NALCN: variants seen among roughly 807,000 people sequenced by gnomAD.
NALCN encodes sodium leak channel NALCN.
Under a neutral mutation model 225.3 loss-of-function variants are expected in NALCN, and 111 were observed. The observed-to-expected ratio is 0.49, with a 90% confidence interval of 0.42 to 0.58. The LOEUF (loss-of-function observed/expected upper bound fraction) is 0.58. NALCN is among the 20% of genes least tolerant of loss of function. NALCN has a pLI of 0.00. For missense variants in NALCN, 1,378 were observed against 2,202.4 expected (o/e 0.63, Z 7.49); for synonymous variants, 764 against 769.0 (o/e 0.99, Z 0.11).
chr13:101,235,347 C>A (rs1284037989), intron 12 of NALCN, among the ~76,000 whole-genome samples: 1 of 152,036 alleles, frequency 6.6e-6, no homozygotes, highest in Non-Finnish European at 1.5e-5. Context: ...AATTTTAAGG[C>A]CCTGAATATA....
rs1261744811 is a variant in NALCN at position 101,104,866 on chromosome 13, C to A, written c.2636+28G>T. On this transcript the variant is annotated intron_variant, in intron 23 of 43. Coordinates refer to ENST00000251127, the MANE Select transcript of NALCN (RefSeq NM_052867.4). This position sits in a 1 kb window ranked among gnomAD's most constrained non-coding sequence, Gnocchi z 4.2. ...ATAGTACATGAAAACTTTAAATGTG[C>A]ATGGAAAATGAAGTTGGTGATGCTT... 6.2e-7 allele frequency: 1 copy of A among 1,611,300 alleles called. No homozygotes were observed. The highest frequency in any genetic ancestry group is 1.3e-5 in the African/African-American group (1 of 74,934).
intron 18 of NALCN, among the ~76,000 whole-genome samples, chr13:101,119,841 A>C (rs1322870081): frequency 6.6e-6 from 1 of 152,262 alleles, no homozygotes; most frequent in Non-Finnish European, 1.5e-5. Flanking sequence ...CTTAAAAAAC[A>C]ACAACTCAGA....
chr13:101,269,575 C>A (rs1037829447), intron 10 of NALCN, among the ~76,000 whole-genome samples: 1 of 152,140 alleles, frequency 6.6e-6, no homozygotes, highest in Non-Finnish European at 1.5e-5. Context: ...TCATCCCCTT[C>A]CCTATCTTTG....
At chr13:101,363,803 G>T (rs1047640109) in intron 6 of NALCN, among the ~76,000 whole-genome samples, 5 of 152,018 alleles carry the variant, frequency 3.3e-5, no homozygotes, top group African/African-American at 1.2e-4. Context: ...ACAGCCCACA[G>T]AATAAGGGAA....
At chr13:101,316,652 A>C (rs2044562814) in intron 7 of NALCN, among the ~76,000 whole-genome samples, 1 of 152,202 alleles carries the variant, frequency 6.6e-6, no homozygotes, top group Non-Finnish European at 1.5e-5. Flanking sequence ...CCCTGTCAAG[A>C]ATATACCCTT....
chr13:101,358,155 T>C (rs573127677), intron 6 of NALCN, among the ~76,000 whole-genome samples: 11 of 152,272 alleles, frequency 7.2e-5, no homozygotes, highest in African/African-American at 2.4e-4. Context: ...CTAAAAGCAA[T>C]GGCAAGAAAA....
intron 10 of NALCN, among the ~76,000 whole-genome samples, chr13:101,264,788 T>C (rs1161011680): frequency 6.6e-6 from 1 of 152,178 alleles, no homozygotes; most frequent in East Asian, 1.9e-4. Flanking sequence ...TACACTAACA[T>C]AAAAATGGCT....
At chr13:101,073,852 T>C (rs769915470) in intron 36 of NALCN, among the ~76,000 whole-genome samples, 175 bp from the exon 37 acceptor site, 5 of 152,202 alleles carry the variant, frequency 3.3e-5, no homozygotes, top group Non-Finnish European at 7.3e-5. Context: ...CCTCCAAGTA[T>C]AGCCGTCTGA....
intron 1 of NALCN, among the ~76,000 whole-genome samples, chr13:101,406,446 G>A (rs2047627154): frequency 6.6e-6 from 1 of 152,166 alleles, no homozygotes; most frequent in African/African-American, 2.4e-5. Context: ...CAGAACTATT[G>A]AATCAAAAAT....
intron 11 of NALCN, among the ~76,000 whole-genome samples, chr13:101,247,627 C>T (rs946170171): frequency 6.6e-6 from 1 of 151,806 alleles, no homozygotes; most frequent in East Asian, 1.9e-4. Context: ...TAGTTGTTTT[C>T]ATTATTTTAT....
chr13:101,315,201 TAGAA>T (rs2044510587), intron 7 of NALCN, among the ~76,000 whole-genome samples: 1 of 152,120 alleles, frequency 6.6e-6, no homozygotes, highest in Non-Finnish European at 1.5e-5. Context: ...GGTTTTAACT[TAGAA>T]AGAAAAATTG....
Position 101,065,317 on chromosome 13 carries a change from CA to C in NALCN, c.4604+86del, listed in dbSNP as rs1050671035. 3 of 1,425,610 alleles carry C rather than the reference CA, an allele frequency of 2.1e-6. No individual in the cohort carries two copies. In the African/African-American group the frequency reaches 4.3e-5, roughly 20 times the overall value. 88.3% of individuals were successfully genotyped at this position (1,425,610 alleles called of 1,614,324 possible). On this transcript the variant is annotated intron_variant, in intron 40 of 43. Coordinates refer to ENST00000251127, the MANE Select transcript of NALCN (RefSeq NM_052867.4). Reference sequence around the variant, plus strand: ...GATGTGGCATTTTGGGTTGGAAACACACTTGTTAATTGTACTGCAGAGGCCT... The same window carrying C: ...GATGTGGCATTTTGGGTTGGAAACACCTTGTTAATTGTACTGCAGAGGCCT...
chr13:101,158,956 G>A (rs538422442), intron 15 of NALCN, among the ~76,000 whole-genome samples: 1 of 152,076 alleles, frequency 6.6e-6, no homozygotes, highest in Non-Finnish European at 1.5e-5. Flanking sequence ...TTTGGAAGGT[G>A]GAATCTCAAT....
chr13:101,075,291 C>T (rs1452818722), intron 35 of NALCN, among the ~76,000 whole-genome samples: 2 of 151,828 alleles, frequency 1.3e-5, no homozygotes, highest in East Asian at 1.9e-4. Flanking sequence ...CCTGTCTCTA[C>T]TAAAAATACA....
At chr13:101,326,384 A>C (rs1332068999) in intron 7 of NALCN, among the ~76,000 whole-genome samples, 1 of 152,228 alleles carries the variant, frequency 6.6e-6, no homozygotes, top group Non-Finnish European at 1.5e-5. Flanking sequence ...CAGAGATGTG[A>C]CTGCACATCT....
At chr13:101,269,323 A>C (rs1468834146) in intron 10 of NALCN, among the ~76,000 whole-genome samples, 9 of 152,058 alleles carry the variant, frequency 5.9e-5, no homozygotes, top group East Asian at 5.8e-4. Context: ...TTTTTGATAT[A>C]ACTTAATTTC....
intron 2 of NALCN, among the ~76,000 whole-genome samples, chr13:101,396,551 T>A (rs1424513239): frequency 6.6e-6 from 1 of 152,166 alleles, no homozygotes; most frequent in African/African-American, 2.4e-5. Context: ...GGAGTTATAA[T>A]ATTTATCTGA....
rs1334320670 is a variant in NALCN at position 101,242,901 on chromosome 13, A to G, written c.1267-4979T>C. Among the ~76,000 whole-genome samples, 2 of 105,590 alleles carry G rather than the reference A, an allele frequency of 1.9e-5. 1 individual carries two copies. The highest frequency in any genetic ancestry group is 4.2e-5 in the Non-Finnish European group (2 of 47,318). The allele number at this position is 105,590 out of a possible 152,430, so 69.3% of individuals were successfully genotyped here. A position where few individuals can be genotyped will look rare whatever the true frequency, so the allele number is the denominator to read the frequency against. On this transcript the variant is annotated intron_variant, in intron 11 of 43. Transcript: ENST00000251127. Reference sequence around the variant, plus strand: ...GATTCATTACCTTCCACTTTCCAGTATTGTAGATGAGTCATCCATTGCACA... The same window carrying G: ...GATTCATTACCTTCCACTTTCCAGTGTTGTAGATGAGTCATCCATTGCACA...
chr13:101,373,691 A>T (rs1379782051), intron 6 of NALCN, among the ~76,000 whole-genome samples: 1 of 152,192 alleles, frequency 6.6e-6, no homozygotes, highest in East Asian at 1.9e-4. Context: ...TAAGATACCG[A>T]TGTCCATTCC....
Sources: allele counts gnomAD v4.1 joint callset (sites outside exome capture counted in the v4.1 genomes callset), GRCh38; gene constraint gnomAD v4.1.1; non-coding constraint Gnocchi (gnomAD v3.1); transcripts MANE v1.5; gene names NCBI Gene and HGNC (gene_info 2026-07-23, HGNC 2026-07-21).